The following PREX1 variants were observed in gnomAD, a reference collection of about 807,000 sequenced individuals.
The protein encoded by PREX1 is phosphatidylinositol 3,4,5-trisphosphate-dependent Rac exchanger 1 protein.
PREX1 carries 41 observed loss-of-function variants against 198.3 expected under a neutral mutation model. That is an observed-to-expected ratio of 0.21 (90% CI 0.16 to 0.27). The LOEUF is 0.27. PREX1 is among the 10% of genes least tolerant of loss of function. PREX1 has a pLI of 1.00. For missense variants in PREX1, 1,620 were observed against 2,200.7 expected, an observed-to-expected ratio of 0.74 and a Z score of 5.28; for synonymous variants, 843 against 887.2, an observed-to-expected ratio of 0.95 and a Z score of 0.89.
chr20:48,834,006 G>A, the PREX1 span, among the ~76,000 whole-genome samples: 1 of 151,956 alleles, frequency 6.6e-6, no homozygotes, highest in African/African-American at 2.4e-5. Context: ...GCGTGAACCC[G>A]GGAGGCGGAG....
intron 1 of PREX1, among the ~76,000 whole-genome samples, chr20:48,753,623 A>G (rs934161769): frequency 6.6e-6 from 1 of 151,798 alleles, no homozygotes; most frequent in Non-Finnish European, 1.5e-5. Context: ...AAAAAATCCA[A>G]CCTCTTCCAC....
intron 6 of PREX1, among the ~76,000 whole-genome samples, chr20:48,702,738 C>T (rs2089882005): frequency 6.6e-6 from 1 of 152,270 alleles, no homozygotes; most frequent in African/African-American, 2.4e-5. Flanking sequence ...CGCCTCTGCA[C>T]TGCTAATGAG....
At chr20:48,701,031 T>C in intron 6 of PREX1, 145 bp from the exon 7 acceptor site, 1 of 1,117,870 alleles carries the variant, frequency 8.9e-7, no homozygotes, top group South Asian at 1.4e-5. Flanking sequence ...CAACACAACG[T>C]GATTAGTGGC....
Position 48,736,790 on chromosome 20 carries a change from A to C in PREX1, c.415-2140T>G, listed in dbSNP as rs138704637. Among the ~76,000 whole-genome samples the C allele has an allele frequency of 1.9e-3, 297 of 152,322 alleles. 1 individual carries two copies. Among genetic ancestry groups the C allele is most frequent in the Non-Finnish European group, 2.7e-3 (185 of 68,022 alleles). On this transcript the variant is annotated intron_variant, in intron 3 of 39. Coordinates refer to ENST00000371941, the MANE Select transcript of PREX1 (RefSeq NM_020820.4). Reference sequence around the variant, plus strand: ...AGGTGACAGGAACTGGCCTGTCTGGAAACCTGCTCCTGCAGAGAAGACTTG... The same window carrying C: ...AGGTGACAGGAACTGGCCTGTCTGGCAACCTGCTCCTGCAGAGAAGACTTG...
At chr20:48,640,055 G>A (rs1367668615) in intron 29 of PREX1, among the ~76,000 whole-genome samples, 161 bp from the exon 30 acceptor site, 1 of 152,198 alleles carries the variant, frequency 6.6e-6, no homozygotes, top group South Asian at 2.1e-4. Context: ...CAGAGGGTAA[G>A]TGTGCTATTT....
chr20:48,700,683 G>T, intron 7 of PREX1, 70 bp downstream of exon 7: 1 of 1,570,776 alleles, frequency 6.4e-7, no homozygotes, highest in Non-Finnish European at 8.7e-7. Context: ...AGAGAGGGAA[G>T]TGACAAGCCC....
chr20:48,751,402 G>A (rs1226947683), intron 1 of PREX1, among the ~76,000 whole-genome samples: 3 of 152,158 alleles, frequency 2.0e-5, no homozygotes, highest in Admixed American at 6.5e-5. Context: ...TTCTTCACAC[G>A]AGCTCTGCCA....
the PREX1 span, among the ~76,000 whole-genome samples, chr20:48,877,247 G>A: frequency 6.6e-6 from 1 of 150,828 alleles, no homozygotes; most frequent in Admixed American, 6.6e-5. Context: ...CTCCAGCCTG[G>A]TCAACAAGAG....
rs1340990170 is a variant in PREX1, at chr20:48,805,210, TATGGACA to T, written c.219+22425_219+22431del. Among the ~76,000 whole-genome samples, 3 of 152,326 alleles carry T rather than the reference TATGGACA, an allele frequency of 2.0e-5. No homozygotes were observed. In the South Asian group the frequency reaches 6.2e-4, roughly 32 times the overall value. ...AACTCCTTGTTCTAGAACAGCTTGC[TATGGACA>T]ATGGAGTTTCACATCCACTGTTTAG... On this transcript the variant is annotated intron_variant, in intron 1 of 39. Transcript: ENST00000371941.
chr20:48,807,441 C>G (rs1391667611), intron 1 of PREX1, among the ~76,000 whole-genome samples: 2 of 152,304 alleles, frequency 1.3e-5, no homozygotes, highest in African/African-American at 2.4e-5. Flanking sequence ...TGTCCGTTAC[C>G]CCAACATGTG....
the PREX1 span, among the ~76,000 whole-genome samples, chr20:48,874,612 C>T: frequency 4.6e-5 from 7 of 152,046 alleles, no homozygotes; most frequent in African/African-American, 1.7e-4. Flanking sequence ...CATGGTGGCT[C>T]CCACCTGTAA....
At chr20:48,758,476 G>A (rs1258215201) in intron 1 of PREX1, among the ~76,000 whole-genome samples, 1 of 152,178 alleles carries the variant, frequency 6.6e-6, no homozygotes, top group African/African-American at 2.4e-5. Context: ...GAGCTTGGGG[G>A]GGTGAAAGAC....
intron 1 of PREX1, among the ~76,000 whole-genome samples, chr20:48,807,436 G>A (rs772097762): frequency 8.6e-5 from 13 of 151,992 alleles, no homozygotes; most frequent in African/African-American, 1.9e-4. Flanking sequence ...ACAGCTGTCC[G>A]TTACCCCAAC....
chr20:48,843,646 T>C, the PREX1 span, among the ~76,000 whole-genome samples: 1 of 152,218 alleles, frequency 6.6e-6, no homozygotes, highest in African/African-American at 2.4e-5. Flanking sequence ...TTGCTCAGCG[T>C]GGCATGGAAA....
rs181827187 is a variant in PREX1, at chr20:48,768,517, G to A, written c.220-20637C>T. ...AGGTTAGAAAAGCCGTCACTCGGCC[G>A]GGCCCAGTGGCTCACGCCTGTAATA... On this transcript the variant is annotated intron_variant, in intron 1 of 39. Coordinates refer to ENST00000371941, the MANE Select transcript of PREX1 (RefSeq NM_020820.4). Among the ~76,000 whole-genome samples, 317 of 152,272 alleles carry A rather than the reference G, an allele frequency of 2.1e-3. 1 individual carries two copies. The highest frequency in any genetic ancestry group is 3.7e-3 in the Non-Finnish European group (251 of 68,022).
At chr20:48,756,614 T>G (rs529869481) in intron 1 of PREX1, among the ~76,000 whole-genome samples, 1 of 152,316 alleles carries the variant, frequency 6.6e-6, no homozygotes, top group South Asian at 2.1e-4. Flanking sequence ...ACAGGCTAAT[T>G]TCTTCCTGAA....
At chr20:48,869,086 G>A in the PREX1 span, among the ~76,000 whole-genome samples, 1 of 151,922 alleles carries the variant, frequency 6.6e-6, no homozygotes. Context: ...TGTCACTCAG[G>A]CTGGTCTCAA....
intron 7 of PREX1, among the ~76,000 whole-genome samples, chr20:48,695,990 A>G (rs897353167): frequency 3.3e-5 from 5 of 152,254 alleles, no homozygotes; most frequent in African/African-American, 1.2e-4. Context: ...GGGCCTCTTC[A>G]TATATTCTGG....
intron 6 of PREX1, among the ~76,000 whole-genome samples, chr20:48,703,289 G>A (rs1019762723): frequency 1.3e-5 from 2 of 152,230 alleles, no homozygotes; most frequent in South Asian, 2.1e-4. Flanking sequence ...CCTTGTGGTC[G>A]AGAGCTGTGC....
Sources: gnomAD v4.1 joint callset for allele counts (sites outside exome capture counted in the v4.1 genomes callset) on GRCh38, gnomAD v4.1.1 for gene constraint, MANE v1.5 for transcripts, NCBI Gene and HGNC (gene_info 2026-07-23, HGNC 2026-07-21) for gene names.